Variants in PCDH10 observed in about 807,000 individuals in gnomAD.
PCDH10 encodes protocadherin 10.
In PCDH10, 15 loss-of-function variants were observed where a neutral mutation model predicts 74.4. That is an observed-to-expected ratio of 0.20 (90% CI 0.13 to 0.31). The LOEUF (loss-of-function observed/expected upper bound fraction) is 0.31, where lower values mean the gene tolerates loss of function less well. PCDH10 is among the 10% of genes least tolerant of loss of function. The probability of loss-of-function intolerance (pLI) is 1.00; values close to 1 mark genes in which losing one functional copy is unlikely to be tolerated. For synonymous variants in PCDH10, 619 were observed against 589.8 expected (o/e 1.05, Z -0.72); for missense variants, 1,260 against 1,390.2 (o/e 0.91, Z 1.49).
chr4:133,177,566 C>A lies in PCDH10; in HGVS notation c.3104-12575C>A, dbSNP rs2125868767. On this transcript the variant is annotated intron_variant, in intron 4 of 4. Coordinates refer to ENST00000264360, the MANE Select transcript of PCDH10 (RefSeq NM_032961.3). ...GACCTAACAACTAAGTTTTAGTGCC[C>A]AATTTCATTTCAGAATCATTCTCAT... is the stretch of plus-strand genomic sequence containing the variant. 2.6e-5 allele frequency among the ~76,000 whole-genome samples: 4 copies of A among 152,116 alleles called. No individual in the cohort carries two copies. The Middle Eastern group carries it at 0.01, about 391-fold the overall frequency.
Position 133,150,331 on chromosome 4 carries a change from T to G in PCDH10, c.191T>G (p.Leu64Ter). Residue 64 changes from leucine to a stop codon, truncating the protein, a stop_gained, in exon 1 of 5, where the codon TTA (leucine) becomes TGA (stop). Transcript: ENST00000264360. LOFTEE classifies it high-confidence loss of function. ...QTVPNSRTPY[L>*]DLNLETGVLY... ...GTGCCCAACTCAAGGACCCCTTACT[T>G]AGACCTCAACCTGGAGACAGGGGTG... is the stretch of plus-strand genomic sequence containing the variant. 1 of 1,613,718 alleles carries G rather than the reference T, an allele frequency of 6.2e-7. No homozygotes were observed. Among genetic ancestry groups the G allele is most frequent in the Non-Finnish European group, 8.5e-7 (1 of 1,179,868 alleles).
In PCDH10 at chr4:133,194,678, A is replaced by G. The variant is rs1422014749; in HGVS notation, c.*4518A>G. ...AGCTTTGAATAAAAATCAGTGGCAAATATGGCTCTAAGTTTAAAAACATCT... is the reference window on the plus strand; with the variant it reads ...AGCTTTGAATAAAAATCAGTGGCAAGTATGGCTCTAAGTTTAAAAACATCT... On this transcript the variant is annotated 3_prime_UTR_variant, in exon 5 of 5. Coordinates refer to ENST00000264360, the MANE Select transcript of PCDH10 (RefSeq NM_032961.3). 6.6e-6 allele frequency: 1 copy of G among 151,952 alleles called. No individual in the cohort carries two copies. The highest frequency in any genetic ancestry group is 2.4e-5 in the African/African-American group (1 of 41,424). The allele number at this position is 151,952 out of a possible 1,614,324, so 9.4% of individuals were successfully genotyped here. A position where few individuals can be genotyped will look rare whatever the true frequency, so the allele number is the denominator to read the frequency against.
At chr4:133,175,370 A>G (rs1727274700) in intron 4 of PCDH10, among the ~76,000 whole-genome samples, 3 of 151,670 alleles carry the variant, frequency 2.0e-5, no homozygotes, top group African/African-American at 7.2e-5. Flanking sequence ...TGTGACCTAC[A>G]TTCAAGAAAA....
intron 2 of PCDH10, 125 bp from the exon 3 acceptor site, chr4:133,154,792 A>G: frequency 1.5e-6 from 1 of 665,700 alleles, no homozygotes; most frequent in East Asian, 2.7e-5. Context: ...AGCTTTATGC[A>G]GAAACAAAGC....
intron 1 of PCDH10, 96 bp from the exon 2 acceptor site, chr4:133,154,211 A>G: frequency 1.4e-6 from 1 of 736,354 alleles, no homozygotes; most frequent in Admixed American, 2.9e-5. Context: ...AATGTATACA[A>G]TTACTTAAGC....
At chr4:133,184,255 A>G (rs1041307803) in intron 4 of PCDH10, among the ~76,000 whole-genome samples, 1 of 152,122 alleles carries the variant, frequency 6.6e-6, no homozygotes, top group Admixed American at 6.6e-5. Context: ...AAAAAGCATT[A>G]AAGAATTCTG....
In PCDH10 at chr4:133,151,597, G is replaced by T. The variant is rs781169797; in HGVS notation, c.1457G>T (p.Ser486Ile). The T allele has an allele frequency of 3.0e-5, 48 of 1,613,686 alleles. No individual in the cohort carries two copies. Among genetic ancestry groups the T allele is most frequent in the Middle Eastern group, 3.3e-4 (2 of 6,084 alleles). ...CCTGGCGCCTACATCTACGCGGTGAGCGCCACCGACCGGGATGAGGGCGCC... is the reference window on the plus strand; with the variant it reads ...CCTGGCGCCTACATCTACGCGGTGATCGCCACCGACCGGGATGAGGGCGCC... ...NVPGAYIYAV[S>I]ATDRDEGANA... The change falls in exon 1 of 5, where the codon AGC becomes ATC. Residue 486 changes from serine (S) to isoleucine (I), a missense_variant. By Grantham distance (142) the Ser-to-Ile change is moderately radical (BLOSUM62 -2). Transcript: ENST00000264360.
rs1305382492 is a variant in PCDH10, at chr4:133,150,391, T to G, written c.251T>G (p.Ile84Ser). The change falls in exon 1 of 5, where the codon ATC becomes AGC. Residue 84 changes from isoleucine (I) to serine (S), a missense_variant. By Grantham distance (142) the Ile-to-Ser change is moderately radical (BLOSUM62 -2). Around this residue, in one of 11 missense-constraint regions of PCDH10, gnomAD observed 63 missense variants for 100.7 expected, o/e 0.63. Coordinates refer to ENST00000264360, the MANE Select transcript of PCDH10 (RefSeq NM_032961.3). The stretch of plus-strand genomic sequence containing the variant: ...AACGAGAAAATAGACCGCGAACAAA[T>G]CTGCAAACAGAGCCCCTCCTGTGTC... ...YVNEKIDREQ[I>S]CKQSPSCVLH... 6.2e-7 allele frequency: 1 copy of G among 1,613,788 alleles called. No homozygotes were observed. Among genetic ancestry groups the G allele is most frequent in the Non-Finnish European group, 8.5e-7 (1 of 1,179,988 alleles).
intron 4 of PCDH10, among the ~76,000 whole-genome samples, chr4:133,164,438 T>G (rs944802512): frequency 4.6e-5 from 7 of 152,060 alleles, no homozygotes; most frequent in African/African-American, 1.7e-4. Flanking sequence ...ATTTAACTAC[T>G]GTTTCACTTA....
At chr4:133,194,938 G>A (rs1261543241), downstream of PCDH10, among the ~76,000 whole-genome samples, 3 of 151,728 alleles carry the variant, frequency 2.0e-5, no homozygotes, top group African/African-American at 7.3e-5. Flanking sequence ...TTGATGTGTA[G>A]TAATACCAAG....
Position 133,152,274 on chromosome 4 carries a change from C to T in PCDH10, c.2134C>T (p.Leu712=). 6.2e-7 allele frequency: 1 copy of T among 1,613,928 alleles called. No homozygotes were observed. The highest frequency in any genetic ancestry group is 8.5e-7 in the Non-Finnish European group (1 of 1,179,934). Residue 712 remains leucine (L), a synonymous_variant, in exon 1 of 5, where the codon CTA becomes TTA. Transcript: ENST00000264360. ...TCGCTCTGGCGGCGGGGAAACCTCG[C>T]TAGACCTCACCCTCATCCTCATCAT... The part of the protein sequence containing the change: ...PSRSGGGETS[L]DLTLILIIAL...
At position 133,152,137 on chromosome 4, in the gene PCDH10, C is replaced by T; in HGVS notation, c.1997C>T (p.Pro666Leu). 1 of 1,565,448 alleles carries T rather than the reference C, an allele frequency of 6.4e-7. No individual in the cohort carries two copies. Among genetic ancestry groups the T allele is most frequent in the South Asian group, 1.2e-5 (1 of 82,348 alleles). The change falls in exon 1 of 5, where the codon CCG (proline) becomes CTG (leucine). Residue 666 changes from proline to leucine, a missense_variant. By Grantham distance (98) the Pro-to-Leu change is moderately conservative. This residue lies in a region of PCDH10 where 587 missense variants were observed against 616.9 expected (regional missense o/e 0.95). Transcript: ENST00000264360. ...LVIEVRDHGQ[P>L]PLSSTATLVV... ...ATCGAGGTGCGCGACCATGGGCAGC[C>T]GCCCCTTTCCTCCACCGCCACCCTG...
chr4:133,195,708 T>C (rs1218277523), downstream of PCDH10, among the ~76,000 whole-genome samples: 1 of 152,040 alleles, frequency 6.6e-6, no homozygotes, highest in African/African-American at 2.4e-5. Context: ...TTGAGACTTA[T>C]CAGTGGCCCT....
At chr4:133,178,813 T>C (rs1727349528) in intron 4 of PCDH10, among the ~76,000 whole-genome samples, 1 of 152,158 alleles carries the variant, frequency 6.6e-6, no homozygotes, top group Non-Finnish European at 1.5e-5. Flanking sequence ...GAAGCAATTA[T>C]TTATTCTAAA....
chr4:133,183,176 T>G (rs1727450671), intron 4 of PCDH10, among the ~76,000 whole-genome samples: 1 of 152,110 alleles, frequency 6.6e-6, no homozygotes, highest in South Asian at 2.1e-4. Context: ...ATATAATTAA[T>G]TAGAAGTATT....
chr4:133,196,466 G>A (rs1471393597), downstream of PCDH10, among the ~76,000 whole-genome samples: 1 of 152,114 alleles, frequency 6.6e-6, no homozygotes, highest in Non-Finnish European at 1.5e-5. Context: ...ATTAAGTGAA[G>A]GGTCTCCAAA....
downstream of PCDH10, among the ~76,000 whole-genome samples, chr4:133,199,329 T>TAATAATA (rs1560718830): frequency 1.6e-4 from 19 of 119,130 alleles, no homozygotes; most frequent in African/African-American, 5.3e-4. Context: ...TAATAATAAT[T>TAATAATA]AATTAAATAG....
At chr4:133,166,607 A>G (rs941392263) in intron 4 of PCDH10, among the ~76,000 whole-genome samples, 1 of 151,450 alleles carries the variant, frequency 6.6e-6, no homozygotes, top group Non-Finnish European at 1.5e-5. Context: ...AGAAAACCCT[A>G]CTAGTTAAAA....
chr4:133,169,994 G>T (rs1405375492), intron 4 of PCDH10, among the ~76,000 whole-genome samples: 1 of 151,882 alleles, frequency 6.6e-6, no homozygotes, highest in Non-Finnish European at 1.5e-5. Context: ...ATGTTTCCTG[G>T]AGTGTAACAA....
Sources: gnomAD v4.1 joint callset for allele counts (sites outside exome capture counted in the v4.1 genomes callset) on GRCh38, gnomAD v4.1.1 for gene constraint, gnomAD v4.1.1 regional missense constraint, MANE v1.5 for transcripts, NCBI Gene and HGNC (gene_info 2026-07-23, HGNC 2026-07-21) for gene names.